Variants in LINGO2 observed in about 807,000 individuals in gnomAD.
LINGO2 encodes leucine-rich repeat and immunoglobulin-like domain-containing nogo receptor-interacting protein 2.
Under a neutral mutation model 30.6 loss-of-function variants are expected in LINGO2, and 14 were observed. The ratio of observed to expected loss-of-function variants is 0.46; its 90% confidence interval spans 0.30 to 0.72. The LOEUF is 0.72. LINGO2 is among the 30% of genes least tolerant of loss of function. The pLI is 0.07. For missense variants in LINGO2, 729 were observed against 751.7 expected (o/e 0.97, Z 0.35); for synonymous variants, 317 against 288.5 (o/e 1.10, Z -1.00).
At chr9:29,151,155 A>G in the LINGO2 span, among the ~76,000 whole-genome samples, 2 of 152,060 alleles carry the variant, frequency 1.3e-5, no homozygotes, top group Non-Finnish European at 2.9e-5. Flanking sequence ...ATTTCATATC[A>G]TGCCAAACTA....
rs78420414 is a variant in LINGO2 at position 28,390,263 on chromosome 9, A to G, written c.-278-17395T>C. ...TGTTCGCATCCAGCAGATGACTACA[A>G]AATTAAACTATTTCTTTCAGCACAA... On this transcript the variant is annotated intron_variant, in intron 2 of 5. Transcript: ENST00000379992. Among the ~76,000 whole-genome samples, 1,252 of 152,328 alleles carry G rather than the reference A, an allele frequency of 8.2e-3. 15 individuals are homozygous for G. Among genetic ancestry groups the G allele is most frequent in the African/African-American group, 0.028 (1,178 of 41,574 alleles).
intron 1 of LINGO2, among the ~76,000 whole-genome samples, chr9:28,648,572 T>A (rs1185691073): frequency 6.6e-6 from 1 of 152,122 alleles, no homozygotes; most frequent in Admixed American, 6.5e-5. Context: ...ACAGGTAGTC[T>A]ACAATTATTC....
chr9:28,212,493 T>G, intron 4 of LINGO2, among the ~76,000 whole-genome samples: 1 of 151,422 alleles, frequency 6.6e-6, no homozygotes, highest in East Asian at 1.9e-4. Context: ...ATGTACGATG[T>G]ACATATGAAC....
chr9:28,375,475 A>G (rs1175172434), intron 2 of LINGO2, among the ~76,000 whole-genome samples: 1 of 152,214 alleles, frequency 6.6e-6, no homozygotes, highest in African/African-American at 2.4e-5. Context: ...AAAGGTGAAT[A>G]CATAATTCTG....
chr9:28,169,449 C>A (rs567407858), intron 4 of LINGO2, among the ~76,000 whole-genome samples: 1 of 152,130 alleles, frequency 6.6e-6, no homozygotes, highest in African/African-American at 2.4e-5. Flanking sequence ...AAAGCAAAAC[C>A]GGAAGAAAAC....
the LINGO2 span, among the ~76,000 whole-genome samples, chr9:28,847,410 GT>G: frequency 3.4e-5 from 5 of 146,988 alleles, 1 homozygote; most frequent in Non-Finnish European, 7.5e-5. Flanking sequence ...GAATCACAGG[GT>G]TTAATTTATG....
At chr9:28,418,540 G>A (rs1476034001) in intron 2 of LINGO2, among the ~76,000 whole-genome samples, 2 of 152,016 alleles carry the variant, frequency 1.3e-5, no homozygotes. Flanking sequence ...GCCTCCCAAA[G>A]TTTTGGGATT....
In LINGO2 at chr9:28,637,623, A is replaced by C. The variant is rs576413260; in HGVS notation, c.-365+32577T>G. 1.3e-5 allele frequency among the ~76,000 whole-genome samples: 2 copies of C among 151,930 alleles called. 1 individual carries two copies. Among genetic ancestry groups the C allele is most frequent in the Non-Finnish European group, 2.9e-5 (2 of 67,950 alleles). On this transcript the variant is annotated intron_variant, in intron 1 of 5. Transcript: ENST00000379992. ...TCACTCATGATTTGGTTCTCTGTTT[A>C]TCTGTTATTGGTGTATAAGAATGCT...
At chr9:29,039,475 G>A in the LINGO2 span, among the ~76,000 whole-genome samples, 5 of 152,100 alleles carry the variant, frequency 3.3e-5, no homozygotes, top group Admixed American at 1.3e-4. Context: ...GCTACATGTA[G>A]CAAAACTCAA....
chr9:28,407,293 C>A (rs1013135603), intron 2 of LINGO2, among the ~76,000 whole-genome samples: 43 of 151,538 alleles, frequency 2.8e-4, no homozygotes, highest in African/African-American at 9.9e-4. Context: ...ATATAATGAG[C>A]CAGAGTAAGG....
chr9:28,030,249 C>T (rs749120089), intron 4 of LINGO2, among the ~76,000 whole-genome samples: 23 of 150,370 alleles, frequency 1.5e-4, no homozygotes, highest in Non-Finnish European at 3.2e-4. Flanking sequence ...TGAGAAAACA[C>T]TTCTTAAGTG....
intron 3 of LINGO2, among the ~76,000 whole-genome samples, chr9:28,341,910 T>G (rs1211220048): frequency 6.6e-6 from 1 of 152,126 alleles, no homozygotes; most frequent in African/African-American, 2.4e-5. Context: ...ATTCTCTCTG[T>G]GACCAATAAC....
At chr9:28,340,056 C>A (rs141971815) in intron 3 of LINGO2, among the ~76,000 whole-genome samples, 42 of 152,148 alleles carry the variant, frequency 2.8e-4, no homozygotes, top group African/African-American at 8.9e-4. Context: ...GTAAAACAGG[C>A]AAATACTGTA....
At chr9:28,986,368 A>T in the LINGO2 span, among the ~76,000 whole-genome samples, 49 of 152,124 alleles carry the variant, frequency 3.2e-4, 1 homozygote, top group African/African-American at 1.1e-3. Flanking sequence ...GGTTTTTGAG[A>T]ATTCCAAATG....
intron 1 of LINGO2, among the ~76,000 whole-genome samples, chr9:28,536,396 C>A (rs951014039): frequency 6.6e-6 from 1 of 152,068 alleles, no homozygotes; most frequent in African/African-American, 2.4e-5. Flanking sequence ...TTCATTCAAG[C>A]ATTTTTCAGT....
chr9:27,982,681 G>A, intron 5 of LINGO2, among the ~76,000 whole-genome samples: 1 of 151,796 alleles, frequency 6.6e-6, no homozygotes, highest in East Asian at 1.9e-4. Context: ...TGATTAAAGA[G>A]GTTCTTCTCT....
At chr9:28,520,286 G>A (rs1357409423) in intron 1 of LINGO2, among the ~76,000 whole-genome samples, 5 of 152,114 alleles carry the variant, frequency 3.3e-5, no homozygotes, top group South Asian at 2.1e-4. Flanking sequence ...GAATTATGAC[G>A]ATGTAGGTTT....
At chr9:28,073,917 C>T (rs1825551888) in intron 4 of LINGO2, among the ~76,000 whole-genome samples, 1 of 151,992 alleles carries the variant, frequency 6.6e-6, no homozygotes, top group Non-Finnish European at 1.5e-5. Flanking sequence ...TGAAAGGGTG[C>T]TCTACTATTG....
chr9:28,136,463 C>A (rs1236510248), intron 4 of LINGO2, among the ~76,000 whole-genome samples: 1 of 152,158 alleles, frequency 6.6e-6, no homozygotes, highest in Non-Finnish European at 1.5e-5. Context: ...ACTTTTTGTA[C>A]AGTTAAGATT....
Sources: gnomAD v4.1 joint callset for allele counts (sites outside exome capture counted in the v4.1 genomes callset) on GRCh38, gnomAD v4.1.1 for gene constraint, MANE v1.5 for transcripts, NCBI Gene and HGNC (gene_info 2026-07-23, HGNC 2026-07-21) for gene names.